The following XXYLT1 variants were observed in gnomAD, a reference collection of about 807,000 sequenced individuals.
XXYLT1 encodes UDP-xylose:alpha-xyloside alpha-1,3-xylosyltransferase.
Under a neutral mutation model 28.9 loss-of-function variants are expected in XXYLT1, and 20 were observed. The ratio of observed to expected loss-of-function variants is 0.69; its 90% confidence interval spans 0.49 to 1.00. XXYLT1 has a LOEUF of 1.00. XXYLT1 is among the 50% of genes least tolerant of loss of function. The pLI is 0.00. For missense variants in XXYLT1, 542 were observed against 560.1 expected, an observed-to-expected ratio of 0.97 and a Z score of 0.33; for synonymous variants, 257 against 253.8, an observed-to-expected ratio of 1.01 and a Z score of -0.12.
intron 2 of XXYLT1, among the ~76,000 whole-genome samples, chr3:195,179,998 C>T (rs1560138013): frequency 6.6e-6 from 1 of 152,136 alleles, no homozygotes; most frequent in Non-Finnish European, 1.5e-5. Flanking sequence ...GGCTCCAGGC[C>T]GGGACTCCAC....
chr3:195,142,400 T>C (rs1230674649), intron 3 of XXYLT1, among the ~76,000 whole-genome samples: 1 of 152,210 alleles, frequency 6.6e-6, no homozygotes, highest in Admixed American at 6.5e-5. Flanking sequence ...CCCCTCTCCT[T>C]CCTTTTCTTC....
chr3:195,122,175 G>T, intron 3 of XXYLT1: 1 of 702,906 alleles, frequency 1.4e-6, no homozygotes, highest in Non-Finnish European at 2.6e-6. Context: ...CTTTCATCAG[G>T]ACACTCATCC....
intron 1 of XXYLT1, among the ~76,000 whole-genome samples, chr3:195,236,510 T>C (rs6785108): frequency 0.14 from 20,878 of 151,222 alleles, 3,103 homozygotes; most frequent in African/African-American, 0.37. Context: ...CCCTCTGGCC[T>C]GGGGTAGGTC....
At chr3:195,127,596 T>G (rs1718702422) in intron 3 of XXYLT1, among the ~76,000 whole-genome samples, 1 of 151,952 alleles carries the variant, frequency 6.6e-6, no homozygotes, top group South Asian at 2.1e-4. Context: ...GGCAACATAC[T>G]GAGACCCTAT....
chr3:195,196,952 C>A (rs1462471063), intron 2 of XXYLT1, among the ~76,000 whole-genome samples: 4 of 151,990 alleles, frequency 2.6e-5, no homozygotes, highest in African/African-American at 9.7e-5. Context: ...CTAGTATATC[C>A]TTTTTAAAAC....
At chr3:195,144,865 C>T (rs920032538) in intron 3 of XXYLT1, among the ~76,000 whole-genome samples, 5 of 152,212 alleles carry the variant, frequency 3.3e-5, no homozygotes, top group Admixed American at 6.5e-5. Context: ...CTCCGTACCC[C>T]TCCTAAACCC....
chr3:195,090,558 G>A (rs984271664), intron 3 of XXYLT1, among the ~76,000 whole-genome samples: 12 of 151,206 alleles, frequency 7.9e-5, no homozygotes, highest in African/African-American at 3.0e-4. Flanking sequence ...AGCACTAAAT[G>A]CCACAAGAGA....
chr3:195,259,502 G>C, intron 1 of XXYLT1: 3 of 916,094 alleles, frequency 3.3e-6, no homozygotes, highest in Non-Finnish European at 3.9e-6. Flanking sequence ...GGAGGCCTTC[G>C]GGCCCTGCCA....
rs376847891 is a variant in XXYLT1, at chr3:195,234,442, C to T, written c.505-7586G>A. On this transcript the variant is annotated intron_variant, in intron 1 of 3. Transcript: ENST00000310380. ...AAAGCGATTGTCCTGCCTCAGCCTC[C>T]CAAGTAGCTGGGATTACAGGCGTCT... 5.7e-4 allele frequency among the ~76,000 whole-genome samples: 87 copies of T among 151,394 alleles called. 1 individual carries two copies. Among genetic ancestry groups the T allele is most frequent in the African/African-American group, 2.0e-3 (84 of 41,138 alleles).
chr3:195,075,060 T>G (rs2108639699), intron 3 of XXYLT1, among the ~76,000 whole-genome samples: 1 of 152,300 alleles, frequency 6.6e-6, no homozygotes, highest in South Asian at 2.1e-4. Flanking sequence ...GAGACCAGCC[T>G]GGCCAACATG....
In XXYLT1 at chr3:195,195,601, G is replaced by A. The variant is rs550354268; in HGVS notation, c.652+31108C>T. 2.0e-5 allele frequency among the ~76,000 whole-genome samples: 3 copies of A among 152,322 alleles called. 1 individual carries two copies. Among genetic ancestry groups the A allele is most frequent in the African/African-American group, 4.8e-5 (2 of 41,570 alleles). On this transcript the variant is annotated intron_variant, in intron 2 of 3. Transcript: ENST00000310380. The surrounding 1 kb of genome is among the most constrained non-coding windows in gnomAD (Gnocchi z 4.4). ...AGGCTACCCGTGGTTTGTTGTAAAT[G>A]AAAGAGATTCATGAATGAAAAGCTT... is the stretch of plus-strand genomic sequence containing the variant.
At position 195,109,542 on chromosome 3, in the gene XXYLT1, T is replaced by TA. The variant is rs1717349632; in HGVS notation, c.786-39432dup. Among the ~76,000 whole-genome samples, 7 of 83,312 alleles carry TA rather than the reference T, an allele frequency of 8.4e-5. No homozygotes were observed. The South Asian group carries it at 2.7e-3, about 32-fold the overall frequency. The allele number at this position is 83,312 out of a possible 152,430, so 54.7% of individuals were successfully genotyped here. ...TGTGCATGTGTGTGGTGTACATGTG[T>TA]AGGGGGTGTGTGTGTGCATGGTGTG... is the stretch of plus-strand genomic sequence containing the variant. On this transcript the variant is annotated intron_variant, in intron 3 of 3. Transcript: ENST00000310380.
At position 195,255,646 on chromosome 3, in the gene XXYLT1, C is replaced by T. The variant is rs541316334; in HGVS notation, c.504+14909G>A. ...AGCAAGCACAGCGTAGAACTGGCTT[C>T]CGAACACAAGGGAAGGCAGGCAGGG... On this transcript the variant is annotated intron_variant, in intron 1 of 3. Transcript: ENST00000310380. This position sits in a 1 kb window ranked among gnomAD's most constrained non-coding sequence, Gnocchi z 4.5. Among the ~76,000 whole-genome samples the T allele has an allele frequency of 1.8e-3, 267 of 152,246 alleles. No homozygotes were observed. The highest frequency in any genetic ancestry group is 2.9e-3 in the Admixed American group (44 of 15,288).
chr3:195,269,429 G>C (rs138343334), intron 1 of XXYLT1, among the ~76,000 whole-genome samples: 48 of 152,352 alleles, frequency 3.2e-4, no homozygotes, highest in African/African-American at 1.2e-3. Context: ...GGGCCCAAGA[G>C]GACACTGTGG....
chr3:195,214,807 T>A (rs982010001), intron 2 of XXYLT1: 5 of 152,188 alleles, frequency 3.3e-5, no homozygotes, highest in African/African-American at 1.2e-4. Flanking sequence ...CGGCAGCACA[T>A]ATACTAAAAT....
At chr3:195,086,515 G>C (rs1715737209) in intron 3 of XXYLT1, among the ~76,000 whole-genome samples, 1 of 152,196 alleles carries the variant, frequency 6.6e-6, no homozygotes, top group Non-Finnish European at 1.5e-5. Context: ...ACAGTGGTTA[G>C]GGGCAGGGGC....
At chr3:195,160,110 T>C (rs75738250) in intron 2 of XXYLT1, among the ~76,000 whole-genome samples, 1 of 151,148 alleles carries the variant, frequency 6.6e-6, no homozygotes, top group African/African-American at 2.4e-5. Flanking sequence ...AAGAAAAAAA[T>C]AGTGAGCCTT....
chr3:195,110,397 T>G, intron 3 of XXYLT1, among the ~76,000 whole-genome samples: 1 of 12,540 alleles, frequency 8.0e-5, no homozygotes, highest in Non-Finnish European at 1.9e-4. Context: ...TGTGGTGTGT[T>G]ATGTGTGTAT....
rs375551670 is a variant in XXYLT1, at chr3:195,071,217, G to A, written c.786-1106C>T. Reference sequence around the variant, plus strand: ...GTGGCAGGGACAGGCGTGGGAGTGGGTCCTCACGGGGAGGACACATCGTGG... The same window carrying A: ...GTGGCAGGGACAGGCGTGGGAGTGGATCCTCACGGGGAGGACACATCGTGG... On this transcript the variant is annotated intron_variant, in intron 3 of 3. Transcript: ENST00000310380. Among the ~76,000 whole-genome samples, 8 of 152,300 alleles carry A rather than the reference G, an allele frequency of 5.3e-5. No individual in the cohort carries two copies. In the South Asian group the frequency reaches 1.7e-3, roughly 32 times the overall value.
Sources: gnomAD v4.1 joint callset for allele counts (sites outside exome capture counted in the v4.1 genomes callset) on GRCh38, gnomAD v4.1.1 for gene constraint, Gnocchi (gnomAD v3.1) non-coding constraint, MANE v1.5 for transcripts, NCBI Gene and HGNC (gene_info 2026-07-23, HGNC 2026-07-21) for gene names.